Variants in MYO5A observed in about 807,000 individuals in gnomAD.
MYO5A encodes unconventional myosin-Va.
A neutral mutation model predicts 249.7 loss-of-function variants in MYO5A; 98 were observed. The ratio of observed to expected loss-of-function variants is 0.39; its 90% CI spans 0.33 to 0.46. The LOEUF (loss-of-function observed/expected upper bound fraction) is 0.46, where lower values mean the gene tolerates loss of function less well. MYO5A is among the 20% of genes least tolerant of loss of function. The pLI is 0.98. For missense variants in MYO5A, 1,696 were observed against 2,308.8 expected (o/e 0.73, Z 5.44); for synonymous variants, 778 against 810.6 (o/e 0.96, Z 0.68).
At chr15:52,461,588 C>G (rs1018532953) in intron 1 of MYO5A, among the ~76,000 whole-genome samples, 2 of 152,114 alleles carry the variant, frequency 1.3e-5, no homozygotes, top group Non-Finnish European at 2.9e-5. Context: ...GTTAGTAAAA[C>G]TTATTCATAT....
chr15:52,353,498 G>T, intron 27 of MYO5A, 107 bp downstream of exon 27: 1 of 924,058 alleles, frequency 1.1e-6, no homozygotes, highest in Non-Finnish European at 1.8e-6. Context: ...AGGACCTCTG[G>T]TGCAATCTCC....
Position 52,366,569 on chromosome 15 carries a change from T to C in MYO5A, c.3160+462A>G, listed in dbSNP as rs192442148. Among the ~76,000 whole-genome samples the C allele has an allele frequency of 2.4e-4, 35 of 145,102 alleles. No homozygotes were observed. In the Admixed American group the frequency reaches 2.5e-3, roughly 10 times the overall value. ...TCTAGTTAGTTCTCTATTTTAAAAA[T>C]TAGTGTTTTTTTAGACTAGCAAAGA... On this transcript the variant is annotated intron_variant, in intron 23 of 41. Coordinates refer to ENST00000399233, the MANE Select transcript of MYO5A (RefSeq NM_001382347.1).
chr15:52,389,297 G>C lies in MYO5A; in HGVS notation c.1609C>G (p.Leu537Val). ...TTTGATAGACGAGGCTTTTCAAAGA[G>C]TGCACATTTGTTCAAATGTGTGTTG... is the stretch of plus-strand genomic sequence containing the variant. ...LYNTHLNKCALFEKPRLSNKA... is the reference protein window; with the variant it reads ...LYNTHLNKCAVFEKPRLSNKA... The change falls in exon 13 of 42, where the codon CTC becomes GTC. Residue 537 changes from leucine to valine, a missense_variant. By Grantham distance (32) the Leu-to-Val change is conservative. Coordinates refer to ENST00000399233, the MANE Select transcript of MYO5A (RefSeq NM_001382347.1). The C allele has an allele frequency of 6.2e-7, 1 of 1,612,844 alleles. No individual in the cohort carries two copies. Among genetic ancestry groups the C allele is most frequent in the Non-Finnish European group, 8.5e-7 (1 of 1,178,914 alleles).
chr15:52,316,944 A>C, intron 40 of MYO5A, 104 bp downstream of exon 40: 1 of 1,259,846 alleles, frequency 7.9e-7, no homozygotes, highest in Non-Finnish European at 1.2e-6. Flanking sequence ...ACACAGATGA[A>C]GTCAGCTCAG....
intron 24 of MYO5A, among the ~76,000 whole-genome samples, chr15:52,364,138 T>C (rs2040686000): frequency 6.6e-6 from 1 of 151,832 alleles, no homozygotes. Context: ...CTCGGGAGGC[T>C]GAGGCAGGAG....
chr15:52,460,377 G>C (rs966927653), intron 1 of MYO5A, among the ~76,000 whole-genome samples: 3 of 152,240 alleles, frequency 2.0e-5, no homozygotes, highest in Admixed American at 1.3e-4. Context: ...GAGTGAGCGA[G>C]ACTCCGTCTA....
intron 6 of MYO5A, among the ~76,000 whole-genome samples, chr15:52,408,644 G>A (rs2043114376): frequency 6.6e-6 from 1 of 152,078 alleles, no homozygotes; most frequent in Admixed American, 6.6e-5. Flanking sequence ...ATCAATAACT[G>A]TTTTATAAAA....
chr15:52,475,005 T>A (rs1468115304), intron 1 of MYO5A, among the ~76,000 whole-genome samples: 1 of 152,238 alleles, frequency 6.6e-6, no homozygotes, highest in Non-Finnish European at 1.5e-5. Context: ...CGGCTGTGAA[T>A]CCGTCTGGTC....
chr15:52,520,099 T>C (rs544595771), intron 1 of MYO5A, among the ~76,000 whole-genome samples: 2 of 152,120 alleles, frequency 1.3e-5, no homozygotes. Context: ...TCAAGCAAAA[T>C]TTCCCATTCT....
At chr15:52,475,329 A>C (rs906996475) in intron 1 of MYO5A, among the ~76,000 whole-genome samples, 2 of 152,122 alleles carry the variant, frequency 1.3e-5, no homozygotes, top group African/African-American at 4.8e-5. Flanking sequence ...TGACCTTTTC[A>C]AAAAACCAGG....
Position 52,340,176 on chromosome 15 carries a change from G to A in MYO5A, c.4239+20C>T, listed in dbSNP as rs143400779. ...GGCAGGCTAGGTTAAGAAGCATGTG[G>A]ACCCGGCAGCTCTCCTTACCAAGTT... On this transcript the variant is annotated intron_variant, in intron 32 of 41. Transcript: ENST00000399233. 2.4e-3 allele frequency: 3,871 copies of A among 1,613,768 alleles called. 8 individuals carry two copies. Among genetic ancestry groups the A allele is most frequent in the Non-Finnish European group, 2.9e-3 (3,427 of 1,179,704 alleles).
At chr15:52,438,263 G>A (rs1021681390) in intron 1 of MYO5A, among the ~76,000 whole-genome samples, 1 of 152,146 alleles carries the variant, frequency 6.6e-6, no homozygotes, top group African/African-American at 2.4e-5. Flanking sequence ...GTCACATCCG[G>A]TGAGAAGACT....
intron 4 of MYO5A, among the ~76,000 whole-genome samples, chr15:52,420,853 A>G (rs1452365518): frequency 1.3e-5 from 2 of 152,254 alleles, no homozygotes; most frequent in East Asian, 3.8e-4. Flanking sequence ...TGAAAGTAAG[A>G]AAACTAAATG....
At chr15:52,346,045 G>C (rs1400747176) in intron 30 of MYO5A, among the ~76,000 whole-genome samples, 1 of 152,200 alleles carries the variant, frequency 6.6e-6, no homozygotes, top group Non-Finnish European at 1.5e-5. Flanking sequence ...AAATGAAAGT[G>C]ACTACCTAAG....
At chr15:52,430,400 AG>A (rs2075501020) in intron 2 of MYO5A, among the ~76,000 whole-genome samples, 1 of 152,208 alleles carries the variant, frequency 6.6e-6, no homozygotes, top group Admixed American at 6.5e-5. Context: ...AAGGTAGAGA[AG>A]ATCTGTAACA....
intron 1 of MYO5A, among the ~76,000 whole-genome samples, chr15:52,526,690 A>AT (rs2077736466): frequency 6.6e-6 from 1 of 152,182 alleles, no homozygotes; most frequent in Admixed American, 6.5e-5. Flanking sequence ...ACCAGGTCTC[A>AT]TTATGTTCCT....
intron 25 of MYO5A, among the ~76,000 whole-genome samples, chr15:52,357,584 G>T (rs2040305230): frequency 6.6e-6 from 1 of 152,048 alleles, no homozygotes; most frequent in Non-Finnish European, 1.5e-5. Flanking sequence ...GAAGGTGGAA[G>T]ATCACAAAAG....
intron 34 of MYO5A, among the ~76,000 whole-genome samples, chr15:52,335,305 C>T (rs1162439881): frequency 1.3e-5 from 2 of 152,074 alleles, no homozygotes; most frequent in East Asian, 3.9e-4. Context: ...ATCACGAGCT[C>T]AGGAGTTCGA....
At chr15:52,386,187 T>C (rs928574116) in intron 14 of MYO5A, among the ~76,000 whole-genome samples, 61 of 151,970 alleles carry the variant, frequency 4.0e-4, no homozygotes, top group African/African-American at 1.5e-3. Flanking sequence ...CATGCATCTG[T>C]AGTCCCAGCT....
Sources: allele counts gnomAD v4.1 joint callset (sites outside exome capture counted in the v4.1 genomes callset), GRCh38; gene constraint gnomAD v4.1.1; transcripts MANE v1.5; gene names NCBI Gene and HGNC (gene_info 2026-07-23, HGNC 2026-07-21).